The following SYT13 variants were observed in gnomAD, a reference collection of about 807,000 sequenced individuals.
The protein encoded by SYT13 is synaptotagmin 13.
In SYT13, 21 loss-of-function variants were observed where a neutral mutation model predicts 38.6. That is an observed-to-expected ratio of 0.54 (90% CI 0.39 to 0.78). SYT13 has a LOEUF of 0.78. SYT13 is among the 30% of genes least tolerant of loss of function. The pLI is 0.00. For missense variants in SYT13, 495 were observed against 548.7 expected (o/e 0.90, Z 0.98); for synonymous variants, 241 against 237.6 (o/e 1.01, Z -0.13).
chr11:45,244,564 T>C (rs1854592507), intron 5 of SYT13, among the ~76,000 whole-genome samples: 1 of 152,108 alleles, frequency 6.6e-6, no homozygotes, highest in Non-Finnish European at 1.5e-5. Context: ...TATGTGACCA[T>C]AGAAGGCTCT....
chr11:45,281,921 C>T (rs1270953198), intron 1 of SYT13, among the ~76,000 whole-genome samples: 1 of 152,130 alleles, frequency 6.6e-6, no homozygotes, highest in East Asian at 1.9e-4. Flanking sequence ...AGGACTGAGC[C>T]GTGGGGCAAG....
intron 1 of SYT13, chr11:45,269,367 A>C (rs931280659): frequency 1.5e-5 from 14 of 935,312 alleles, no homozygotes; most frequent in Non-Finnish European, 1.6e-5. Flanking sequence ...CAAACAAAAA[A>C]CTCCGTGGGA....
chr11:45,282,843 G>A (rs1855089947), intron 1 of SYT13, among the ~76,000 whole-genome samples: 1 of 152,124 alleles, frequency 6.6e-6, no homozygotes, highest in African/African-American at 2.4e-5. Context: ...GAGGTTTGTG[G>A]ACCCAGATTA....
rs986746477 is a variant in SYT13 at position 45,285,938 on chromosome 11, C to T, written c.183+87G>A. 9.2e-6 allele frequency: 14 copies of T among 1,520,996 alleles called. No homozygotes were observed. The Admixed American group carries it at 2.8e-4, about 30-fold the overall frequency. 94.2% of individuals were successfully genotyped at this position (1,520,996 alleles called of 1,614,324 possible). On this transcript the variant is annotated intron_variant, in intron 1 of 5. Coordinates refer to ENST00000020926, the MANE Select transcript of SYT13 (RefSeq NM_020826.3). Reference sequence around the variant, plus strand: ...CCAAGCTTTGTCGCGCAAAGATCCACGACCGCCTCCCACCCCAGTTCCCCC... The same window carrying T: ...CCAAGCTTTGTCGCGCAAAGATCCATGACCGCCTCCCACCCCAGTTCCCCC...
chr11:45,270,574 T>G (rs1362014536), intron 1 of SYT13, among the ~76,000 whole-genome samples: 2 of 152,176 alleles, frequency 1.3e-5, no homozygotes, highest in African/African-American at 2.4e-5. Flanking sequence ...CATTTAAAAA[T>G]TGATTAACAT....
intron 2 of SYT13, among the ~76,000 whole-genome samples, chr11:45,254,832 G>A (rs1014473333): frequency 5.3e-5 from 8 of 152,100 alleles, no homozygotes; most frequent in African/African-American, 9.7e-5. Flanking sequence ...AATATGTTTC[G>A]ACGGGGCATG....
chr11:45,244,567 A>G (rs1156249978), intron 5 of SYT13, among the ~76,000 whole-genome samples: 1 of 152,132 alleles, frequency 6.6e-6, no homozygotes, highest in African/African-American at 2.4e-5. Flanking sequence ...GTGACCATAG[A>G]AGGCTCTGCT....
At chr11:45,248,154 T>C (rs1174982371) in intron 4 of SYT13, among the ~76,000 whole-genome samples, 2 of 152,196 alleles carry the variant, frequency 1.3e-5, no homozygotes, top group African/African-American at 4.8e-5. Flanking sequence ...CTTGAGGGAC[T>C]GGTCATATGA....
intron 1 of SYT13, among the ~76,000 whole-genome samples, chr11:45,276,300 G>A (rs1319599039): frequency 6.6e-6 from 1 of 152,132 alleles, no homozygotes; most frequent in African/African-American, 2.4e-5. Flanking sequence ...GATGAAGCTG[G>A]AAACTATCAT....
chr11:45,259,101 C>T (rs750499698), intron 1 of SYT13, among the ~76,000 whole-genome samples: 13 of 152,174 alleles, frequency 8.5e-5, no homozygotes, highest in Non-Finnish European at 1.3e-4. Context: ...AAATCCCTGT[C>T]GGTCTTGCCA....
chr11:45,250,931 G>A (rs751271160), intron 4 of SYT13, among the ~76,000 whole-genome samples: 2 of 152,114 alleles, frequency 1.3e-5, no homozygotes, highest in Admixed American at 6.5e-5. Flanking sequence ...CTCAAGGTCT[G>A]CCATTTCCTG....
At chr11:45,264,132 A>T (rs1455059846) in intron 1 of SYT13, among the ~76,000 whole-genome samples, 2 of 152,190 alleles carry the variant, frequency 1.3e-5, no homozygotes, top group East Asian at 3.9e-4. Context: ...GCATTACAAC[A>T]AAACTAAACT....
At chr11:45,249,761 TG>T (rs1854651742) in intron 4 of SYT13, among the ~76,000 whole-genome samples, 3 of 151,828 alleles carry the variant, frequency 2.0e-5, no homozygotes, top group Admixed American at 2.0e-4. Context: ...GGTGGGGGCC[TG>T]GGGGAGGGAT....
intron 5 of SYT13, among the ~76,000 whole-genome samples, chr11:45,244,605 A>T (rs1854593002): frequency 6.6e-6 from 1 of 152,168 alleles, no homozygotes; most frequent in South Asian, 2.1e-4. Context: ...TCCCACCCGG[A>T]CAATCTATAA....
At chr11:45,257,989 G>C (rs897609534) in intron 1 of SYT13, among the ~76,000 whole-genome samples, 6 of 152,230 alleles carry the variant, frequency 3.9e-5, no homozygotes, top group Non-Finnish European at 7.3e-5. Flanking sequence ...CAGAAACACT[G>C]CACAGTAGAT....
chr11:45,253,031 G>A (rs1487521458), intron 3 of SYT13, among the ~76,000 whole-genome samples: 5 of 152,146 alleles, frequency 3.3e-5, no homozygotes, highest in Admixed American at 3.3e-4. Context: ...TTGCTGCTGG[G>A]GGCCTTTATT....
chr11:45,279,127 C>T (rs1157566978), intron 1 of SYT13, among the ~76,000 whole-genome samples: 1 of 152,210 alleles, frequency 6.6e-6, no homozygotes, highest in African/African-American at 2.4e-5. Flanking sequence ...AATCTTCAAC[C>T]TAGTCGTCAA....
rs1590510929 is a variant in SYT13 at position 45,252,060 on chromosome 11, T to C, written c.846+361A>G. On this transcript the variant is annotated intron_variant, in intron 4 of 5. Transcript: ENST00000020926. This position sits in a 1 kb window ranked among gnomAD's most constrained non-coding sequence, Gnocchi z 4.3. ...CCTACACAAACGGAGGAAGGTAGAGTGTCCTGCAGTGTCTGCCACATCGTA... is the reference window on the plus strand; with the variant it reads ...CCTACACAAACGGAGGAAGGTAGAGCGTCCTGCAGTGTCTGCCACATCGTA... Among the ~76,000 whole-genome samples the C allele has an allele frequency of 6.6e-6, 1 of 152,086 alleles. No homozygotes were observed. The highest frequency in any genetic ancestry group is 6.5e-5 in the Admixed American group (1 of 15,268).
At chr11:45,260,448 C>G (rs550498161) in intron 1 of SYT13, among the ~76,000 whole-genome samples, 3 of 152,104 alleles carry the variant, frequency 2.0e-5, no homozygotes, top group South Asian at 4.2e-4. Context: ...AGAGAGGGAG[C>G]CTGGGAGAGG....
Sources: gnomAD v4.1 joint callset for allele counts (sites outside exome capture counted in the v4.1 genomes callset) on GRCh38, gnomAD v4.1.1 for gene constraint, Gnocchi (gnomAD v3.1) non-coding constraint, MANE v1.5 for transcripts, NCBI Gene and HGNC (gene_info 2026-07-23, HGNC 2026-07-21) for gene names.